The following SLC5A11 variants were observed in gnomAD, a reference collection of about 807,000 sequenced individuals.
SLC5A11 encodes the protein sodium/myo-inositol cotransporter 2.
In SLC5A11, 48 loss-of-function variants were observed where a neutral mutation model predicts 69.8. The ratio of observed to expected loss-of-function variants is 0.69; its 90% confidence interval spans 0.55 to 0.87. The LOEUF (loss-of-function observed/expected upper bound fraction) is 0.87, where lower values mean the gene tolerates loss of function less well. Ranked by LOEUF, SLC5A11 falls within the 40% of genes least tolerant of loss-of-function variation. The pLI, the probability that SLC5A11 is intolerant of heterozygous loss-of-function variation, is 0.00. For synonymous variants in SLC5A11, 319 were observed against 342.4 expected (o/e 0.93, Z 0.75); for missense variants, 784 against 866.1 (o/e 0.91, Z 1.19).
intron 2 of SLC5A11, chr16:24,862,129 T>C (rs184131516): frequency 6.6e-6 from 1 of 152,426 alleles, no homozygotes; most frequent in Admixed American, 6.5e-5. Context: ...TATTTTGTTA[T>C]AGTAGTGCAA....
chr16:24,865,187 C>T (rs1028047381), intron 3 of SLC5A11, among the ~76,000 whole-genome samples: 1 of 152,140 alleles, frequency 6.6e-6, no homozygotes, highest in African/African-American at 2.4e-5. Flanking sequence ...CAAAGAGACT[C>T]ATACCTAAAT....
chr16:24,897,153 C>A (rs185314083), intron 9 of SLC5A11, among the ~76,000 whole-genome samples: 1 of 151,704 alleles, frequency 6.6e-6, no homozygotes, highest in Non-Finnish European at 1.5e-5. Flanking sequence ...AGAGTTTCAC[C>A]ATGTTGGCCA....
chr16:24,905,269 CAAAAAAAAAAAA>C (rs34703027), intron 10 of SLC5A11, among the ~76,000 whole-genome samples: 1 of 80,428 alleles, frequency 1.2e-5, no homozygotes, highest in Admixed American at 1.7e-4. Flanking sequence ...ACTAAAAATA[CAAAAAAAAAAAA>C]AAAAAAAAAA....
At chr16:24,870,128 C>G in intron 4 of SLC5A11, 123 bp downstream of exon 5, 1 of 664,022 alleles carries the variant, frequency 1.5e-6, no homozygotes, top group Non-Finnish European at 2.6e-6. Context: ...CGCGGTGGCT[C>G]ACGCCTGTAA....
At chr16:24,892,119 T>G (rs1189827592) in intron 9 of SLC5A11, among the ~76,000 whole-genome samples, 1 of 150,378 alleles carries the variant, frequency 6.6e-6, no homozygotes, top group Non-Finnish European at 1.5e-5. Flanking sequence ...CCCAGCTACT[T>G]GGGAGGCTGA....
intron 9 of SLC5A11, among the ~76,000 whole-genome samples, chr16:24,896,942 CTTTTTTTTTTTTTTTT>C (rs869210839): frequency 2.1e-5 from 2 of 97,100 alleles, no homozygotes; most frequent in African/African-American, 1.0e-4. Context: ...AACCTCCTTC[CTTTTTTTTTTTTTTTT>C]TTTTTTTTTT....
At chr16:24,908,226 G>A in intron 13 of SLC5A11, 95 bp downstream of exon 14, 1 of 1,404,136 alleles carries the variant, frequency 7.1e-7, no homozygotes, top group South Asian at 1.4e-5. Context: ...GGAGACACAG[G>A]CTGGAATTGG....
At chr16:24,891,410 G>A (rs2048801493) in intron 9 of SLC5A11, among the ~76,000 whole-genome samples, 1 of 150,486 alleles carries the variant, frequency 6.6e-6, no homozygotes. Context: ...CATCTCCTGG[G>A]CTCAAGAGAT....
At chr16:24,856,539 G>A (rs1394849083) in intron 1 of SLC5A11, among the ~76,000 whole-genome samples, 1 of 148,896 alleles carries the variant, frequency 6.7e-6, no homozygotes, top group African/African-American at 2.5e-5. Flanking sequence ...GGATCACGAG[G>A]TCAGGAGATC....
intron 10 of SLC5A11, among the ~76,000 whole-genome samples, chr16:24,900,077 T>G (rs1312214245): frequency 6.6e-6 from 1 of 152,040 alleles, no homozygotes; most frequent in Non-Finnish European, 1.5e-5. Flanking sequence ...TTTCTTAATG[T>G]GGTAAGGGAA....
At chr16:24,898,042 A>C (rs772012438) in exon 10 of SLC5A11, 3 of 1,614,174 alleles carry the variant, frequency 1.9e-6, no homozygotes, top group East Asian at 2.2e-5. Context: ...TGATGGCTGC[A>C]TACCTGAAGG....
In SLC5A11 at chr16:24,861,824, ATT is replaced by A. The variant is rs1240969996; in HGVS notation, c.136-776_136-775del. On this transcript the variant is annotated intron_variant, in intron 2 of 15. Coordinates refer to ENST00000347898, the Ensembl canonical transcript of SLC5A11. ...AAAGAAAAGAAAAAAGAAAGAAAAA[ATT>A]AATCACCAATGTGATAGTATTAACA... Among the ~76,000 whole-genome samples, 724 of 131,388 alleles carry A rather than the reference ATT, an allele frequency of 5.5e-3. 13 individuals carry two copies. The highest frequency in any genetic ancestry group is 0.022 in the African/African-American group (657 of 29,488). 86.2% of individuals were successfully genotyped at this position (131,388 alleles called of 152,430 possible).
chr16:24,911,111 G>A (rs1003200445), intron 15 of SLC5A11, among the ~76,000 whole-genome samples: 3 of 148,944 alleles, frequency 2.0e-5, no homozygotes, highest in African/African-American at 7.6e-5. Context: ...GGAGGTTGCA[G>A]TGAGCCGAGA....
intron 2 of SLC5A11, among the ~76,000 whole-genome samples, chr16:24,861,179 A>G (rs923094885): frequency 6.6e-6 from 1 of 151,708 alleles, no homozygotes; most frequent in African/African-American, 2.4e-5. Flanking sequence ...TGTATTAAGG[A>G]TATTAACAAC....
chr16:24,897,384 G>T (rs2049258733), intron 9 of SLC5A11, among the ~76,000 whole-genome samples: 1 of 152,108 alleles, frequency 6.6e-6, no homozygotes, highest in Non-Finnish European at 1.5e-5. Flanking sequence ...AATTGGCAAG[G>T]CGTAACCCCT....
intron 3 of SLC5A11, among the ~76,000 whole-genome samples, chr16:24,864,777 TTAAC>T (rs1165670205): frequency 3.3e-5 from 5 of 152,074 alleles, no homozygotes; most frequent in African/African-American, 1.2e-4. Flanking sequence ...AGAACAATGT[TTAAC>T]TAAACAGAAT....
chr16:24,848,816 A>G (rs541312393), intron 1 of SLC5A11, among the ~76,000 whole-genome samples: 1 of 152,254 alleles, frequency 6.6e-6, no homozygotes, highest in African/African-American at 2.4e-5. Flanking sequence ...ATAAAATAAT[A>G]AAATAAAAAG....
At chr16:24,863,938 C>A (rs1597034752) in intron 3 of SLC5A11, among the ~76,000 whole-genome samples, 1 of 152,332 alleles carries the variant, frequency 6.6e-6, no homozygotes, top group East Asian at 1.9e-4. Context: ...AAAGCCCCAC[C>A]TGCTGGGCTC....
At chr16:24,886,613 T>A (rs1426307980) in intron 8 of SLC5A11, among the ~76,000 whole-genome samples, 1 of 152,150 alleles carries the variant, frequency 6.6e-6, no homozygotes, top group Admixed American at 6.6e-5. Flanking sequence ...GTTTGCTGTG[T>A]CTTAGGCAAA....
Sources: gnomAD v4.1 joint callset for allele counts (sites outside exome capture counted in the v4.1 genomes callset) on GRCh38, gnomAD v4.1.1 for gene constraint, MANE v1.5 for transcripts, NCBI Gene and HGNC (gene_info 2026-07-23, HGNC 2026-07-21) for gene names.